The following SLIT3 variants were observed in gnomAD, a reference collection of about 807,000 sequenced individuals.
SLIT3 encodes slit guidance ligand 3, also known as slit homolog 3 protein.
SLIT3 carries 68 observed loss-of-function variants against 184.0 expected under a neutral mutation model. The ratio of observed to expected loss-of-function variants is 0.37; its 90% CI spans 0.30 to 0.45. The LOEUF (loss-of-function observed/expected upper bound fraction) is 0.45, where lower values mean the gene tolerates loss of function less well. Among genes scored for constraint, SLIT3 ranks in the 20% least tolerant of loss-of-function variants. The probability of loss-of-function intolerance (pLI) is 1.00; values close to 1 mark genes in which losing one functional copy is unlikely to be tolerated. For missense variants in SLIT3, 1,707 were observed against 2,026.0 expected, an observed-to-expected ratio of 0.84 and a Z score of 3.02; for synonymous variants, 831 against 828.6, an observed-to-expected ratio of 1.00 and a Z score of -0.05.
rs900624566 is a variant in SLIT3 at position 168,662,834 on chromosome 5, C to T, written c.*3620G>A. The T allele has an allele frequency of 6.6e-6, 1 of 152,214 alleles. No homozygotes were observed. Among genetic ancestry groups the T allele is most frequent in the Non-Finnish European group, 1.5e-5 (1 of 68,072 alleles). The allele number at this position is 152,214 out of a possible 1,614,324, so 9.4% of individuals were successfully genotyped here. A position where few individuals can be genotyped will look rare whatever the true frequency, so the allele number is the denominator to read the frequency against. ...ACACTGAACCACACTTTTTCAGGAG[C>T]AAATTAACTGAACTCTTCCTGCCTC... is the stretch of plus-strand genomic sequence containing the variant. On this transcript the variant is annotated 3_prime_UTR_variant, in exon 36 of 36. Coordinates refer to ENST00000519560, the MANE Select transcript of SLIT3 (RefSeq NM_003062.4).
At chr5:169,008,652 T>C (rs72826544) in intron 4 of SLIT3, among the ~76,000 whole-genome samples, 8,403 of 151,560 alleles carry the variant, frequency 0.055, 234 homozygotes, top group African/African-American at 0.058. Context: ...GCTGCTGCTG[T>C]TGTTGTTTTT....
intron 2 of SLIT3, among the ~76,000 whole-genome samples, chr5:169,245,439 A>C (rs1440065756): frequency 6.6e-6 from 1 of 152,052 alleles, no homozygotes; most frequent in Admixed American, 6.6e-5. Context: ...AGAATTTAGC[A>C]TATAATGAAA....
intron 1 of SLIT3, among the ~76,000 whole-genome samples, chr5:169,258,806 A>C (rs1441452512): frequency 6.6e-6 from 1 of 152,188 alleles, no homozygotes; most frequent in Non-Finnish European, 1.5e-5. Context: ...ATTCTGTGGC[A>C]TTCCTGCAAA....
intron 4 of SLIT3, among the ~76,000 whole-genome samples, chr5:169,107,766 A>G (rs1468303282): frequency 6.6e-6 from 1 of 152,206 alleles, no homozygotes; most frequent in African/African-American, 2.4e-5. Flanking sequence ...CAGTTCTTCC[A>G]ATGTCTCTCC....
intron 4 of SLIT3, among the ~76,000 whole-genome samples, chr5:169,163,729 A>G (rs574736994): frequency 6.6e-6 from 1 of 152,164 alleles, no homozygotes; most frequent in Non-Finnish European, 1.5e-5. Context: ...ATCATTGCAG[A>G]GAGCATATCG....
At chr5:168,880,410 A>G (rs1263262176) in intron 5 of SLIT3, among the ~76,000 whole-genome samples, 1 of 152,166 alleles carries the variant, frequency 6.6e-6, no homozygotes, top group Non-Finnish European at 1.5e-5. Context: ...CTCCACTCCC[A>G]TGAGATGTCT....
chr5:168,722,837 G>C (rs1335915780), intron 22 of SLIT3, 96 bp downstream of exon 22: 2 of 926,040 alleles, frequency 2.2e-6, no homozygotes, highest in African/African-American at 3.2e-5. Flanking sequence ...AGGGTCATTA[G>C]GGCAGAGAAA....
At chr5:169,094,254 T>A (rs1016342059) in intron 4 of SLIT3, among the ~76,000 whole-genome samples, 11 of 152,208 alleles carry the variant, frequency 7.2e-5, no homozygotes, top group African/African-American at 2.7e-4. Context: ...AAACAGAGGC[T>A]CATGAAGTTA....
At chr5:168,686,903 C>T in intron 30 of SLIT3, 76 bp downstream of exon 30, 1 of 1,565,630 alleles carries the variant, frequency 6.4e-7, no homozygotes, top group Non-Finnish European at 8.7e-7. Context: ...TCCATTCTGG[C>T]CACCTTAGCC....
At chr5:168,944,141 C>T (rs997701407) in intron 4 of SLIT3, among the ~76,000 whole-genome samples, 2 of 152,154 alleles carry the variant, frequency 1.3e-5, no homozygotes, top group Non-Finnish European at 2.9e-5. Flanking sequence ...AATTGGATAA[C>T]GGCCCGAGAT....
At chr5:169,220,441 G>A in intron 3 of SLIT3, among the ~76,000 whole-genome samples, 1 of 152,072 alleles carries the variant, frequency 6.6e-6, no homozygotes, top group South Asian at 2.1e-4. Context: ...TTGGCTAGGG[G>A]ACCTCCTGAG....
At chr5:169,042,981 T>A (rs773238987) in intron 4 of SLIT3, among the ~76,000 whole-genome samples, 3 of 152,206 alleles carry the variant, frequency 2.0e-5, no homozygotes, top group Non-Finnish European at 4.4e-5. Flanking sequence ...CTGGCAACAT[T>A]TTTGAAATAC....
intron 4 of SLIT3, among the ~76,000 whole-genome samples, chr5:169,023,408 G>A (rs57839638): frequency 0.13 from 20,425 of 152,116 alleles, 1,577 homozygotes; most frequent in East Asian, 0.42. Flanking sequence ...TCATTAAAAG[G>A]ATAATTGTAA....
At chr5:168,932,798 G>A (rs1275445139) in intron 4 of SLIT3, among the ~76,000 whole-genome samples, 1 of 152,230 alleles carries the variant, frequency 6.6e-6, no homozygotes, top group East Asian at 1.9e-4. Context: ...ACCACACTGT[G>A]CATGTAAAGA....
intron 4 of SLIT3, among the ~76,000 whole-genome samples, chr5:169,032,509 A>AT (rs3072089): frequency 0.059 from 8,634 of 145,276 alleles, 265 homozygotes; most frequent in Admixed American, 0.073. Flanking sequence ...TGTGCCAGTC[A>AT]TTTTTTTTTT....
intron 4 of SLIT3, among the ~76,000 whole-genome samples, chr5:169,104,090 T>C (rs1037733543): frequency 6.6e-6 from 1 of 152,242 alleles, no homozygotes; most frequent in Non-Finnish European, 1.5e-5. Context: ...CACAACATGC[T>C]TCTCACTTAA....
chr5:169,129,958 C>G (rs1001135910), intron 4 of SLIT3, among the ~76,000 whole-genome samples: 5 of 152,134 alleles, frequency 3.3e-5, no homozygotes, highest in Non-Finnish European at 7.3e-5. Context: ...GAGCGATTCT[C>G]CTGCCTCAGC....
chr5:168,709,016 T>G (rs1762463700), intron 25 of SLIT3, among the ~76,000 whole-genome samples: 1 of 152,028 alleles, frequency 6.6e-6, no homozygotes, highest in Non-Finnish European at 1.5e-5. Context: ...CACAGAGCTT[T>G]CAGTGCTAAA....
chr5:169,266,509 G>A (rs1766401478), intron 1 of SLIT3, among the ~76,000 whole-genome samples: 2 of 152,116 alleles, frequency 1.3e-5, no homozygotes, highest in Admixed American at 6.6e-5. Flanking sequence ...TTGTCTTCAT[G>A]GCATGTAGAG....
Sources: gnomAD v4.1 joint callset for allele counts (sites outside exome capture counted in the v4.1 genomes callset) on GRCh38, gnomAD v4.1.1 for gene constraint, MANE v1.5 for transcripts, NCBI Gene and HGNC (gene_info 2026-07-23, HGNC 2026-07-21) for gene names.